Variants in MROH9 observed in about 807,000 individuals in gnomAD.
MROH9 encodes maestro heat like repeat family member 9.
MROH9 carries 92 observed loss-of-function variants against 98.2 expected under a neutral mutation model. The ratio of observed to expected loss-of-function variants is 0.94; its 90% CI spans 0.79 to 1.11. MROH9 has a LOEUF of 1.11. Ranked by LOEUF, MROH9 falls within the 50% of genes most tolerant of loss-of-function variation. MROH9 has a pLI of 0.00. For synonymous variants in MROH9, 397 were observed against 368.9 expected (o/e 1.08, Z -0.87); for missense variants, 1,057 against 1,014.8 (o/e 1.04, Z -0.57).
At chr1:170,949,968 T>C (rs374129141) in intron 3 of MROH9, among the ~76,000 whole-genome samples, 3 of 152,126 alleles carry the variant, frequency 2.0e-5, no homozygotes, top group African/African-American at 7.2e-5. Flanking sequence ...CTAAAACTTA[T>C]ATAGTACCCA....
chr1:171,022,539 G>A (rs759376703), intron 17 of MROH9, among the ~76,000 whole-genome samples: 13 of 152,212 alleles, frequency 8.5e-5, no homozygotes, highest in South Asian at 2.1e-4. Flanking sequence ...ATAAGTGGGA[G>A]TTGAACAATG....
intron 3 of MROH9, among the ~76,000 whole-genome samples, chr1:170,950,991 T>C (rs1649531411): frequency 6.6e-6 from 1 of 152,016 alleles, no homozygotes; most frequent in African/African-American, 2.4e-5. Flanking sequence ...AATCCCTCTT[T>C]TTTTCCCTAG....
chr1:171,006,834 TTAAG>T (rs1164724869), intron 15 of MROH9, among the ~76,000 whole-genome samples: 1 of 143,956 alleles, frequency 6.9e-6, no homozygotes, highest in Admixed American at 6.9e-5. Context: ...TTTTTTTTAA[TTAAG>T]TGTCTCTTTC....
chr1:171,021,833 A>G (rs1353719423), intron 17 of MROH9, among the ~76,000 whole-genome samples: 2 of 152,186 alleles, frequency 1.3e-5, no homozygotes, highest in Non-Finnish European at 2.9e-5. Flanking sequence ...GAATGGGAAA[A>G]AATTTTTGCA....
chr1:171,056,693 C>G (rs1343759825), intron 20 of MROH9, among the ~76,000 whole-genome samples: 2 of 152,176 alleles, frequency 1.3e-5, no homozygotes, highest in African/African-American at 4.8e-5. Context: ...CAGGGGTTGT[C>G]AGAAACCCTA....
intron 8 of MROH9, among the ~76,000 whole-genome samples, chr1:170,982,513 A>G (rs1650973272): frequency 6.6e-6 from 1 of 152,158 alleles, no homozygotes; most frequent in Non-Finnish European, 1.5e-5. Flanking sequence ...TTTGGAGACA[A>G]TAGATATGTT....
At chr1:170,971,486 C>T (rs1233522860) in intron 7 of MROH9, among the ~76,000 whole-genome samples, 1 of 152,160 alleles carries the variant, frequency 6.6e-6, no homozygotes, top group Non-Finnish European at 1.5e-5. Flanking sequence ...TGTCCAAGTA[C>T]TTTCCTAGGA....
chr1:170,953,032 T>C (rs1649615738), intron 3 of MROH9, among the ~76,000 whole-genome samples: 1 of 152,120 alleles, frequency 6.6e-6, no homozygotes, highest in South Asian at 2.1e-4. Context: ...AGAGGAACTT[T>C]GAAATATACT....
chr1:171,027,661 A>T (rs1316757806), intron 20 of MROH9, among the ~76,000 whole-genome samples: 1 of 152,216 alleles, frequency 6.6e-6, no homozygotes, highest in Admixed American at 6.5e-5. Context: ...AATAATTTAC[A>T]TTCCCACCAA....
intron 1 of MROH9, among the ~76,000 whole-genome samples, chr1:170,943,063 A>G (rs896042924): frequency 6.6e-6 from 1 of 152,184 alleles, no homozygotes; most frequent in African/African-American, 2.4e-5. Flanking sequence ...TTATTCTAAT[A>G]AGCAATAATT....
At chr1:171,011,422 T>C (rs1046445834) in intron 15 of MROH9, among the ~76,000 whole-genome samples, 1 of 143,202 alleles carries the variant, frequency 7.0e-6, no homozygotes, top group African/African-American at 2.8e-5. Context: ...TTTGATCCTG[T>C]TTGGAAATAA....
intron 20 of MROH9, among the ~76,000 whole-genome samples, chr1:171,034,121 C>A (rs1263660196): frequency 1.3e-5 from 2 of 151,684 alleles, no homozygotes; most frequent in African/African-American, 4.8e-5. Context: ...TAGTTGAATA[C>A]TAAAAAAACT....
Position 170,980,103 on chromosome 1 carries a change from G to A in MROH9, c.617-3319G>A, listed in dbSNP as rs540575101. 3.3e-5 allele frequency among the ~76,000 whole-genome samples: 5 copies of A among 152,182 alleles called. No individual in the cohort carries two copies. In the South Asian group the frequency reaches 1.0e-3, roughly 32 times the overall value. The stretch of plus-strand genomic sequence containing the variant: ...AAATAAGAGAGGACACAAAAAAATA[G>A]AAAAACATTCTATCCTCATGGATAG... On this transcript the variant is annotated intron_variant, in intron 8 of 21. Coordinates refer to ENST00000367759, the MANE Select transcript of MROH9 (RefSeq NM_001163629.2).
intron 3 of MROH9, among the ~76,000 whole-genome samples, chr1:170,952,367 T>C (rs981737756): frequency 2.0e-5 from 3 of 152,068 alleles, no homozygotes; most frequent in Non-Finnish European, 4.4e-5. Flanking sequence ...CCATCAATGA[T>C]AGACTGGATT....
At chr1:170,950,634 G>A (rs753639790) in intron 3 of MROH9, among the ~76,000 whole-genome samples, 15 of 152,102 alleles carry the variant, frequency 9.9e-5, no homozygotes, top group African/African-American at 1.2e-4. Flanking sequence ...ACTTGGAAAC[G>A]TTCACTGTTT....
intron 8 of MROH9, 106 bp downstream of exon 8, chr1:170,971,989 G>A: frequency 8.4e-7 from 1 of 1,185,738 alleles, no homozygotes; most frequent in Non-Finnish European, 1.2e-6. Flanking sequence ...TCTAAATCCT[G>A]CCCCAAGAGT....
At chr1:170,980,965 A>C (rs1422885789) in intron 8 of MROH9, among the ~76,000 whole-genome samples, 1 of 151,982 alleles carries the variant, frequency 6.6e-6, no homozygotes, top group Non-Finnish European at 1.5e-5. Context: ...CAAAGGATAC[A>C]AACAGACAGT....
chr1:171,041,375 GTGTGTGTGTGTGTA>G (rs1235175104), intron 20 of MROH9, among the ~76,000 whole-genome samples: 1 of 111,708 alleles, frequency 9.0e-6, no homozygotes, highest in African/African-American at 3.2e-5. Flanking sequence ...GTGTGTGTGT[GTGTGTGTGTGTGTA>G]TGTATTGGTC....
At chr1:171,062,519 A>G (rs915679681) in intron 21 of MROH9, among the ~76,000 whole-genome samples, 2 of 152,196 alleles carry the variant, frequency 1.3e-5, no homozygotes, top group African/African-American at 4.8e-5. Context: ...TCTAACAAAT[A>G]TTTTTTAGCA....
Sources: gnomAD v4.1 joint callset for allele counts (sites outside exome capture counted in the v4.1 genomes callset) on GRCh38, gnomAD v4.1.1 for gene constraint, MANE v1.5 for transcripts, NCBI Gene and HGNC (gene_info 2026-07-23, HGNC 2026-07-21) for gene names.